Variants in RAB31 observed in about 807,000 individuals in gnomAD.
The protein encoded by RAB31 is ras-related protein Rab-31.
In RAB31, 21 loss-of-function variants were observed where a neutral mutation model predicts 25.6. The observed-to-expected ratio is 0.82, with a 90% confidence interval of 0.58 to 1.18. The LOEUF is 1.18. Among genes scored for constraint, RAB31 ranks in the 50% most tolerant of loss-of-function variants. The probability of loss-of-function intolerance (pLI) is 0.00; values close to 1 mark genes in which losing one functional copy is unlikely to be tolerated. For missense variants in RAB31, 196 were observed against 250.1 expected, an observed-to-expected ratio of 0.78 and a Z score of 1.46; for synonymous variants, 87 against 84.0, an observed-to-expected ratio of 1.04 and a Z score of -0.20.
chr18:9,791,559 G>A (rs958394481), intron 2 of RAB31, among the ~76,000 whole-genome samples: 6 of 150,594 alleles, frequency 4.0e-5, no homozygotes, highest in Non-Finnish European at 1.5e-5. Context: ...CACCATGCCC[G>A]GCTAATTTTT....
At chr18:9,749,576 T>C (rs1015409237) in intron 1 of RAB31, among the ~76,000 whole-genome samples, 2 of 152,210 alleles carry the variant, frequency 1.3e-5, no homozygotes, top group African/African-American at 4.8e-5. Flanking sequence ...GCCCTACGTT[T>C]CACATTTCGG....
At chr18:9,769,034 G>A (rs2068330786) in intron 1 of RAB31, among the ~76,000 whole-genome samples, 1 of 152,090 alleles carries the variant, frequency 6.6e-6, no homozygotes, top group Non-Finnish European at 1.5e-5. Context: ...TGGGGCCTCT[G>A]TTCTGTTCCA....
intron 1 of RAB31, among the ~76,000 whole-genome samples, chr18:9,740,033 A>T (rs1396361308): frequency 6.6e-6 from 1 of 152,158 alleles, no homozygotes; most frequent in African/African-American, 2.4e-5. Flanking sequence ...CTGACCTCAG[A>T]CCCTGGGGTG....
At position 9,849,307 on chromosome 18, in the gene RAB31, TTGTA is replaced by T. The variant is rs1180543743; in HGVS notation, c.490+3618_490+3621del. Among the ~76,000 whole-genome samples the T allele has an allele frequency of 2.6e-5, 4 of 152,302 alleles. No homozygotes were observed. In the East Asian group the frequency reaches 5.8e-4, roughly 22 times the overall value. Reference sequence around the variant, plus strand: ...TGCAAGTTCTTTGGGAGCTTGTCTTTTGTATTACCCATGAAGCTGAGACTAATAA... The same window carrying T: ...TGCAAGTTCTTTGGGAGCTTGTCTTTTTACCCATGAAGCTGAGACTAATAA... On this transcript the variant is annotated intron_variant, in intron 6 of 6. Coordinates refer to ENST00000578921, the MANE Select transcript of RAB31 (RefSeq NM_006868.4).
chr18:9,832,773 G>A (rs1341440491), intron 5 of RAB31, among the ~76,000 whole-genome samples: 1 of 152,210 alleles, frequency 6.6e-6, no homozygotes, highest in Non-Finnish European at 1.5e-5. Flanking sequence ...TGACTTAGGT[G>A]TGTCTTTTGA....
intron 1 of RAB31, among the ~76,000 whole-genome samples, chr18:9,775,061 T>G (rs1000029546): frequency 6.6e-6 from 1 of 152,190 alleles, no homozygotes; most frequent in Non-Finnish European, 1.5e-5. Flanking sequence ...CTGAAACTGA[T>G]TTTTACCATA....
At chr18:9,749,878 A>T (rs1297434570) in intron 1 of RAB31, among the ~76,000 whole-genome samples, 3 of 152,306 alleles carry the variant, frequency 2.0e-5, no homozygotes, top group South Asian at 2.1e-4. Context: ...CTGAGGCTTT[A>T]TGGGTTGCCC....
At position 9,708,531 on chromosome 18, in the gene RAB31, G is replaced by A. The variant is rs2067998054; in HGVS notation, c.39+87G>A. 2 of 1,177,400 alleles carry A rather than the reference G, an allele frequency of 1.7e-6. No individual in the cohort carries two copies. The highest frequency in any genetic ancestry group is 2.3e-6 in the Non-Finnish European group (2 of 873,532). 72.9% of individuals were successfully genotyped at this position (1,177,400 alleles called of 1,614,324 possible). On this transcript the variant is annotated intron_variant, in intron 1 of 6. Transcript: ENST00000578921. The surrounding 1 kb of genome is among the most constrained non-coding windows in gnomAD (Gnocchi z 6.4). ...CCTATTCCCTGCGCGCTCAGTCCCC[G>A]TGATCCCCTCGCTCTCCGCACCCCT...
chr18:9,749,456 C>T (rs1176686563), intron 1 of RAB31, among the ~76,000 whole-genome samples: 1 of 152,178 alleles, frequency 6.6e-6, no homozygotes, highest in African/African-American at 2.4e-5. Flanking sequence ...ACACAAAATT[C>T]TACTCCTCTA....
chr18:9,789,585 A>G (rs1289300750), intron 2 of RAB31, among the ~76,000 whole-genome samples: 1 of 152,252 alleles, frequency 6.6e-6, no homozygotes, highest in Non-Finnish European at 1.5e-5. Context: ...ATATAAAAAT[A>G]ATTGGGAAGG....
chr18:9,802,033 A>T (rs2068516343), intron 3 of RAB31, among the ~76,000 whole-genome samples: 1 of 152,118 alleles, frequency 6.6e-6, no homozygotes, highest in Non-Finnish European at 1.5e-5. Context: ...CCTTTGATAT[A>T]CATTTTTTCT....
At chr18:9,842,611 C>T (rs764086671) in intron 5 of RAB31, among the ~76,000 whole-genome samples, 5 of 152,206 alleles carry the variant, frequency 3.3e-5, no homozygotes, top group Admixed American at 6.5e-5. Flanking sequence ...CCTGTAAGCA[C>T]CTGTTCTTTA....
At chr18:9,843,041 G>A (rs16955759) in intron 5 of RAB31, among the ~76,000 whole-genome samples, 9,015 of 152,252 alleles carry the variant, frequency 0.059, 282 homozygotes, top group East Asian at 0.091. Context: ...AACCTGTGCC[G>A]CTCCTTCTTG....
At chr18:9,720,460 T>C (rs2068068421) in intron 1 of RAB31, among the ~76,000 whole-genome samples, 1 of 152,030 alleles carries the variant, frequency 6.6e-6, no homozygotes, top group Admixed American at 6.6e-5. Flanking sequence ...TGGTGGAGTT[T>C]GGGGTGACCA....
intron 1 of RAB31, among the ~76,000 whole-genome samples, chr18:9,733,733 C>T (rs1443252715): frequency 6.6e-6 from 1 of 152,154 alleles, no homozygotes; most frequent in Non-Finnish European, 1.5e-5. Flanking sequence ...ACACCACCTG[C>T]AGCCCTTCTG....
chr18:9,790,814 T>A (rs192332176), intron 2 of RAB31, among the ~76,000 whole-genome samples: 37 of 152,342 alleles, frequency 2.4e-4, no homozygotes, highest in African/African-American at 8.9e-4. Context: ...TGTATCTACT[T>A]CTTATTCCAT....
intron 5 of RAB31, among the ~76,000 whole-genome samples, chr18:9,828,173 C>A (rs189484897): frequency 7.0e-4 from 106 of 152,198 alleles, no homozygotes; most frequent in African/African-American, 2.4e-3. Flanking sequence ...AGAATATCTA[C>A]CCTGCGCCTG....
intron 3 of RAB31, among the ~76,000 whole-genome samples, chr18:9,812,332 C>G (rs1435616099): frequency 6.6e-6 from 1 of 152,162 alleles, no homozygotes; most frequent in African/African-American, 2.4e-5. Flanking sequence ...GATGGTCACT[C>G]CAGTATATAT....
intron 5 of RAB31, among the ~76,000 whole-genome samples, chr18:9,836,387 T>A (rs2068704331): frequency 6.6e-6 from 1 of 151,714 alleles, no homozygotes; most frequent in South Asian, 2.1e-4. Flanking sequence ...ACTCTTCTTT[T>A]TATTTTTATT....
Sources: gnomAD v4.1 joint callset for allele counts (sites outside exome capture counted in the v4.1 genomes callset) on GRCh38, gnomAD v4.1.1 for gene constraint, Gnocchi (gnomAD v3.1) non-coding constraint, MANE v1.5 for transcripts, NCBI Gene and HGNC (gene_info 2026-07-23, HGNC 2026-07-21) for gene names.